Variants in ATRNL1 observed in about 807,000 individuals in gnomAD.
ATRNL1 encodes attractin-like protein 1.
In ATRNL1, 95 loss-of-function variants were observed where a neutral mutation model predicts 182.7. That is an observed-to-expected ratio of 0.52 (90% CI 0.44 to 0.62). The LOEUF is 0.62. Among genes scored for constraint, ATRNL1 ranks in the 20% least tolerant of loss-of-function variants. ATRNL1 has a pLI of 0.00. For synonymous variants in ATRNL1, 576 were observed against 568.3 expected (o/e 1.01, Z -0.19); for missense variants, 1,471 against 1,679.5 (o/e 0.88, Z 2.17).
At chr10:115,323,864 A>G (rs1554932313) in intron 18 of ATRNL1, among the ~76,000 whole-genome samples, 2 of 144,844 alleles carry the variant, frequency 1.4e-5, no homozygotes, top group Non-Finnish European at 3.0e-5. Context: ...CGCAAGCTCC[A>G]CCTCCCGGGT....
chr10:115,591,096 T>C (rs2769410), intron 26 of ATRNL1, among the ~76,000 whole-genome samples: 148,036 of 152,256 alleles, frequency 0.97, 72,132 homozygotes, highest in East Asian at 1. Context: ...AAGATATGCA[T>C]GTATACGTGT....
At chr10:115,567,792 A>G (rs1273478370) in intron 26 of ATRNL1, among the ~76,000 whole-genome samples, 1 of 152,148 alleles carries the variant, frequency 6.6e-6, no homozygotes, top group Non-Finnish European at 1.5e-5. Flanking sequence ...AGTTAGTTTA[A>G]TGAGAATGGT....
chr10:115,548,790 A>G (rs1852809289), intron 25 of ATRNL1, among the ~76,000 whole-genome samples: 1 of 152,102 alleles, frequency 6.6e-6, no homozygotes. Flanking sequence ...CCTCGGTACT[A>G]CTGACATTTT....
At chr10:115,649,944 A>G (rs1859880116) in intron 26 of ATRNL1, among the ~76,000 whole-genome samples, 1 of 152,192 alleles carries the variant, frequency 6.6e-6, no homozygotes, top group Non-Finnish European at 1.5e-5. Context: ...TGATAAAGTG[A>G]CAGTAAATTA....
chr10:115,188,712 G>T (rs1554889251), intron 8 of ATRNL1, among the ~76,000 whole-genome samples: 5 of 139,186 alleles, frequency 3.6e-5, no homozygotes, highest in African/African-American at 1.5e-4. Context: ...GATACTATGA[G>T]TTTCTCCTCT....
chr10:115,844,868 A>G (rs1555098324), intron 27 of ATRNL1, among the ~76,000 whole-genome samples: 1 of 152,074 alleles, frequency 6.6e-6, no homozygotes, highest in Non-Finnish European at 1.5e-5. Context: ...TGAACATGTT[A>G]TGTCATTGTG....
intron 28 of ATRNL1, among the ~76,000 whole-genome samples, chr10:115,912,810 C>T (rs1952724077): frequency 6.6e-6 from 1 of 152,104 alleles, no homozygotes; most frequent in Non-Finnish European, 1.5e-5. Flanking sequence ...GGAAGAATGT[C>T]ATCACTCTTC....
chr10:115,634,945 A>G (rs1724799222), intron 26 of ATRNL1, among the ~76,000 whole-genome samples: 1 of 151,938 alleles, frequency 6.6e-6, no homozygotes, highest in African/African-American at 2.4e-5. Flanking sequence ...AGAGAGTTTG[A>G]AAAAAAATTA....
At chr10:115,570,923 A>C (rs2250353) in intron 26 of ATRNL1, among the ~76,000 whole-genome samples, 148,002 of 152,212 alleles carry the variant, frequency 0.97, 72,121 homozygotes, top group East Asian at 1. Context: ...TTGATTTCAG[A>C]CATCCCGAGC....
intron 8 of ATRNL1, among the ~76,000 whole-genome samples, chr10:115,190,223 A>G (rs924935788): frequency 2.0e-5 from 3 of 152,156 alleles, no homozygotes; most frequent in Non-Finnish European, 4.4e-5. Flanking sequence ...CTGCTTTGCC[A>G]TTGTGACAAA....
intron 8 of ATRNL1, among the ~76,000 whole-genome samples, chr10:115,202,493 G>A (rs1389806386): frequency 1.3e-5 from 2 of 152,300 alleles, no homozygotes; most frequent in East Asian, 3.9e-4. Context: ...AGATAATCAT[G>A]TGGTTTTTGT....
chr10:115,374,453 T>TTTCCTTCCTTCCTTCC (rs149427595), intron 19 of ATRNL1, among the ~76,000 whole-genome samples: 3,073 of 135,824 alleles, frequency 0.023, 79 homozygotes, highest in African/African-American at 0.055. Context: ...CCTTCCTTCC[T>TTTCCTTCCTTCCTTCC]TTCCTTCCTT....
chr10:115,422,072 G>A (rs988237784), intron 20 of ATRNL1, among the ~76,000 whole-genome samples: 3 of 152,044 alleles, frequency 2.0e-5, no homozygotes, highest in Admixed American at 1.3e-4. Flanking sequence ...TTAAATGTAC[G>A]ACCCAAAACT....
chr10:115,362,661 C>T (rs1475719820), intron 19 of ATRNL1, among the ~76,000 whole-genome samples: 1 of 151,904 alleles, frequency 6.6e-6, no homozygotes, highest in Non-Finnish European at 1.5e-5. Flanking sequence ...CCAATGCTAT[C>T]CCTCCCACCT....
At chr10:115,266,568 G>T (rs1331009590) in intron 11 of ATRNL1, among the ~76,000 whole-genome samples, 1 of 151,410 alleles carries the variant, frequency 6.6e-6, no homozygotes, top group Non-Finnish European at 1.5e-5. Flanking sequence ...AAGATTTATA[G>T]AATATTTCAT....
intron 27 of ATRNL1, among the ~76,000 whole-genome samples, chr10:115,798,817 T>G (rs373014021): frequency 7.9e-6 from 1 of 126,102 alleles, no homozygotes; most frequent in African/African-American, 3.0e-5. Flanking sequence ...TTTTTTTCTT[T>G]TTTTTCTTTT....
chr10:115,409,711 A>G (rs566625067), intron 20 of ATRNL1, among the ~76,000 whole-genome samples: 1 of 152,340 alleles, frequency 6.6e-6, no homozygotes, highest in South Asian at 2.1e-4. Flanking sequence ...AAACAGGAGT[A>G]GATTAACCCT....
intron 20 of ATRNL1, among the ~76,000 whole-genome samples, chr10:115,423,841 C>T (rs1245686816): frequency 1.3e-5 from 2 of 152,146 alleles, no homozygotes; most frequent in Non-Finnish European, 2.9e-5. Context: ...GGAGGTAACA[C>T]TTTATTACAT....
intron 18 of ATRNL1, among the ~76,000 whole-genome samples, chr10:115,316,564 G>A (rs577366146): frequency 2.5e-4 from 38 of 151,950 alleles, no homozygotes; most frequent in African/African-American, 5.8e-4. Context: ...CCACAGCCTC[G>A]CTAACATCTA....
Sources: allele counts gnomAD v4.1 joint callset (sites outside exome capture counted in the v4.1 genomes callset), GRCh38; gene constraint gnomAD v4.1.1; transcripts MANE v1.5; gene names NCBI Gene and HGNC (gene_info 2026-07-23, HGNC 2026-07-21).